The following XIRP2 variants were observed in gnomAD, a reference collection of about 807,000 sequenced individuals.
The protein encoded by XIRP2 is xin actin binding repeat containing 2.
Under a neutral mutation model 277.0 loss-of-function variants are expected in XIRP2, and 236 were observed. The ratio of observed to expected loss-of-function variants is 0.85; its 90% CI spans 0.77 to 0.95. XIRP2 has a LOEUF of 0.95. Among genes scored for constraint, XIRP2 ranks in the 40% least tolerant of loss-of-function variants. XIRP2 has a pLI of 0.00. For synonymous variants in XIRP2, 1,490 were observed against 1,416.5 expected (o/e 1.05, Z -1.17); for missense variants, 4,640 against 4,157.5 (o/e 1.12, Z -3.19).
At chr2:167,068,796 A>G (rs114899117) in intron 2 of XIRP2, among the ~76,000 whole-genome samples, 1,949 of 152,268 alleles carry the variant, frequency 0.013, 49 homozygotes, top group African/African-American at 0.045. Context: ...AATGTGGCCC[A>G]GCACAAATCA....
chr2:167,012,113 T>G (rs1410459132), intron 2 of XIRP2, among the ~76,000 whole-genome samples: 1 of 151,938 alleles, frequency 6.6e-6, no homozygotes, highest in Admixed American at 6.6e-5. Context: ...TTTTTGAATG[T>G]GTTTGCTCTT....
intron 5 of XIRP2, among the ~76,000 whole-genome samples, chr2:167,227,611 G>A (rs189180215): frequency 5.1e-4 from 77 of 152,184 alleles, no homozygotes; most frequent in Middle Eastern, 3.4e-3. Flanking sequence ...GGAGGCTGAG[G>A]TGGAAGGATG....
intron 5 of XIRP2, among the ~76,000 whole-genome samples, chr2:167,234,449 A>G (rs1338287171): frequency 6.6e-6 from 1 of 151,162 alleles, no homozygotes; most frequent in African/African-American, 2.4e-5. Context: ...ACAGGAATGT[A>G]TTAAACAATA....
At position 167,248,535 on chromosome 2, in the gene XIRP2, C is replaced by T; in HGVS notation, c.7143C>T (p.Ser2381=). Residue 2381 remains serine, a synonymous_variant, in exon 9 of 11, where the codon TCC becomes TCT. Coordinates refer to ENST00000409195, the MANE Select transcript of XIRP2 (RefSeq NM_152381.6). ...TPSQKPAHLL[S]SSAPEKHSGD... ...CTCAAAAGCCAGCACATCTCCTTTCCTCCTCTGCTCCGGAAAAGCACAGTG... is the reference window on the plus strand; with the variant it reads ...CTCAAAAGCCAGCACATCTCCTTTCTTCCTCTGCTCCGGAAAAGCACAGTG... 1 of 1,613,694 alleles carries T rather than the reference C, an allele frequency of 6.2e-7. No homozygotes were observed. Among genetic ancestry groups the T allele is most frequent in the Non-Finnish European group, 8.5e-7 (1 of 1,179,796 alleles).
At chr2:167,064,898 A>G (rs1484782080) in intron 2 of XIRP2, among the ~76,000 whole-genome samples, 1 of 151,886 alleles carries the variant, frequency 6.6e-6, no homozygotes, top group Non-Finnish European at 1.5e-5. Flanking sequence ...TGATCCATTC[A>G]TTTATCAGTG....
intron 2 of XIRP2, among the ~76,000 whole-genome samples, chr2:166,914,846 T>A (rs1304953857): frequency 1.3e-5 from 2 of 152,152 alleles, no homozygotes; most frequent in African/African-American, 2.4e-5. Context: ...CTATTTGTAG[T>A]TAGTAGTATG....
intron 2 of XIRP2, among the ~76,000 whole-genome samples, chr2:166,915,834 A>G (rs747906524): frequency 1.3e-5 from 2 of 152,192 alleles, no homozygotes; most frequent in African/African-American, 2.4e-5. Flanking sequence ...CTAATTCTCA[A>G]TAAATACTGT....
chr2:166,976,082 T>C (rs1338030402), intron 2 of XIRP2, among the ~76,000 whole-genome samples: 1 of 151,930 alleles, frequency 6.6e-6, no homozygotes, highest in Non-Finnish European at 1.5e-5. Context: ...ATATTATTCC[T>C]CAGTAATGTG....
chr2:167,008,074 C>G (rs1687554805), intron 2 of XIRP2, among the ~76,000 whole-genome samples: 2 of 151,480 alleles, frequency 1.3e-5, no homozygotes. Flanking sequence ...CTGCAGGCTC[C>G]ATGAAGCCAG....
chr2:167,154,693 A>G (rs1248530331), intron 3 of XIRP2, among the ~76,000 whole-genome samples: 2 of 152,188 alleles, frequency 1.3e-5, no homozygotes, highest in African/African-American at 4.8e-5. Context: ...GAACTAGAAA[A>G]GCAAGAGCAA....
chr2:167,253,001 T>C (rs1695559386), intron 9 of XIRP2, among the ~76,000 whole-genome samples: 1 of 151,892 alleles, frequency 6.6e-6, no homozygotes, highest in African/African-American at 2.4e-5. Context: ...AAGAAACTTG[T>C]GATAAACATA....
At chr2:166,966,349 T>C (rs1352458266) in intron 2 of XIRP2, among the ~76,000 whole-genome samples, 1 of 151,908 alleles carries the variant, frequency 6.6e-6, no homozygotes, top group East Asian at 1.9e-4. Flanking sequence ...TAAATACAAA[T>C]AGCCAACCAG....
intron 2 of XIRP2, among the ~76,000 whole-genome samples, chr2:166,985,708 C>A (rs1330982420): frequency 6.6e-6 from 1 of 152,076 alleles, no homozygotes; most frequent in African/African-American, 2.4e-5. Context: ...GGATTACAGG[C>A]ATGAGCCACC....
intron 2 of XIRP2, among the ~76,000 whole-genome samples, chr2:166,909,478 C>G (rs1327185122): frequency 2.0e-5 from 3 of 152,172 alleles, no homozygotes; most frequent in East Asian, 1.9e-4. Context: ...TATCCTGAGA[C>G]TTTGCTGAAG....
intron 2 of XIRP2, among the ~76,000 whole-genome samples, chr2:167,124,760 G>T (rs1360695348): frequency 6.6e-6 from 1 of 152,192 alleles, no homozygotes; most frequent in African/African-American, 2.4e-5. Flanking sequence ...TCGACCCCAT[G>T]TGAAAGCAGT....
intron 2 of XIRP2, among the ~76,000 whole-genome samples, chr2:167,091,453 C>G (rs566998611): frequency 6.6e-6 from 1 of 152,204 alleles, no homozygotes; most frequent in South Asian, 2.1e-4. Flanking sequence ...TCAACTATGT[C>G]TAATCTCATT....
At chr2:166,913,670 C>G (rs945892615) in intron 2 of XIRP2, among the ~76,000 whole-genome samples, 1 of 152,168 alleles carries the variant, frequency 6.6e-6, no homozygotes, top group African/African-American at 2.4e-5. Context: ...TAAAAGTGTA[C>G]TGACATAGAC....
At chr2:167,088,592 T>C (rs1690038348) in intron 2 of XIRP2, among the ~76,000 whole-genome samples, 1 of 152,124 alleles carries the variant, frequency 6.6e-6, no homozygotes, top group African/African-American at 2.4e-5. Flanking sequence ...AGTTCAAAAA[T>C]CTTAATTTGG....
intron 2 of XIRP2, among the ~76,000 whole-genome samples, chr2:167,121,781 G>C (rs1282996245): frequency 6.6e-6 from 1 of 152,122 alleles, no homozygotes; most frequent in Non-Finnish European, 1.5e-5. Flanking sequence ...TGTGAAGCCA[G>C]AATGAAAATA....
Sources: allele counts gnomAD v4.1 joint callset (sites outside exome capture counted in the v4.1 genomes callset), GRCh38; gene constraint gnomAD v4.1.1; transcripts MANE v1.5; gene names NCBI Gene and HGNC (gene_info 2026-07-23, HGNC 2026-07-21).